DOCK1: variants seen among roughly 807,000 people sequenced by gnomAD.
DOCK1 encodes dedicator of cytokinesis protein 1.
A neutral mutation model predicts 262.7 loss-of-function variants in DOCK1; 138 were observed. That is an observed-to-expected ratio of 0.53 (90% CI 0.46 to 0.61). The LOEUF (loss-of-function observed/expected upper bound fraction) is 0.61, where lower values mean the gene tolerates loss of function less well. Among genes scored for constraint, DOCK1 ranks in the 20% least tolerant of loss-of-function variants. The pLI, the probability that DOCK1 is intolerant of heterozygous loss-of-function variation, is 0.00. For synonymous variants in DOCK1, 866 were observed against 867.4 expected (o/e 1.00, Z 0.03); for missense variants, 1,908 against 2,370.7 (o/e 0.80, Z 4.05).
intron 19 of DOCK1, among the ~76,000 whole-genome samples, chr10:127,038,410 T>G (rs905594291): frequency 6.6e-6 from 1 of 152,118 alleles, no homozygotes; most frequent in African/African-American, 2.4e-5. Context: ...TCACAACAGT[T>G]CAGTGACCTC....
At position 127,443,433 on chromosome 10, in the gene DOCK1, A is replaced by G. The variant is rs924691538; in HGVS notation, c.5260-693A>G. 2.0e-4 allele frequency among the ~76,000 whole-genome samples: 30 copies of G among 152,080 alleles called. 1 individual carries two copies. The highest frequency in any genetic ancestry group is 8.8e-5 in the Non-Finnish European group (6 of 68,024). ...AGGAGTTCTGTGTTGTGGTTTTTAT[A>G]TTGGACTGTTTTAAGCTCCCACCTC... On this transcript the variant is annotated intron_variant, in intron 49 of 51. Coordinates refer to ENST00000623213, the MANE Select transcript of DOCK1 (RefSeq NM_001290223.2).
intron 27 of DOCK1, among the ~76,000 whole-genome samples, chr10:127,221,508 T>TGCA (rs2058435111): frequency 6.6e-6 from 1 of 152,202 alleles, no homozygotes; most frequent in South Asian, 2.1e-4. Flanking sequence ...TCAGCTCCAG[T>TGCA]CTGCTCAGGG....
At chr10:127,205,580 C>T (rs572757040) in intron 27 of DOCK1, among the ~76,000 whole-genome samples, 3 of 152,332 alleles carry the variant, frequency 2.0e-5, no homozygotes, top group East Asian at 1.9e-4. Flanking sequence ...TGTGGCTTTA[C>T]GAAGAAATGT....
At chr10:127,449,737 C>T (rs879360470) in intron 51 of DOCK1, among the ~76,000 whole-genome samples, 2 of 152,084 alleles carry the variant, frequency 1.3e-5, no homozygotes, top group Admixed American at 1.3e-4. Context: ...ATCCATCTGC[C>T]ATGATGGGGG....
At chr10:127,240,085 G>A (rs112937888) in intron 27 of DOCK1, among the ~76,000 whole-genome samples, 23 of 152,068 alleles carry the variant, frequency 1.5e-4, no homozygotes, top group African/African-American at 4.1e-4. Context: ...AAATGAAATC[G>A]ATTTTGTTTT....
At position 127,333,591 on chromosome 10, in the gene DOCK1, C is replaced by T. The variant is rs570536999; in HGVS notation, c.3045-5415C>T. 1.4e-4 allele frequency among the ~76,000 whole-genome samples: 22 copies of T among 152,322 alleles called. 1 individual carries two copies. The highest frequency in any genetic ancestry group is 3.6e-4 in the African/African-American group (15 of 41,574). Reference sequence around the variant, plus strand: ...ATAGGCAGCTTTGGGGGATGATCTCCCTCTGGAGCCCACGCACTGCATCCA... The same window carrying T: ...ATAGGCAGCTTTGGGGGATGATCTCTCTCTGGAGCCCACGCACTGCATCCA... On this transcript the variant is annotated intron_variant, in intron 29 of 51. Coordinates refer to ENST00000623213, the MANE Select transcript of DOCK1 (RefSeq NM_001290223.2).
At chr10:126,988,823 A>G (rs2039591527) in intron 5 of DOCK1, among the ~76,000 whole-genome samples, 1 of 152,226 alleles carries the variant, frequency 6.6e-6, no homozygotes, top group Admixed American at 6.5e-5. Context: ...CTGTAATCCC[A>G]GCACTTAGGG....
At chr10:126,949,370 C>T (rs2035970672) in intron 1 of DOCK1, among the ~76,000 whole-genome samples, 2 of 152,118 alleles carry the variant, frequency 1.3e-5, no homozygotes. Context: ...GCAACCCAGG[C>T]AGGATTTCGG....
At chr10:127,284,299 T>C (rs2061069979) in intron 29 of DOCK1, among the ~76,000 whole-genome samples, 1 of 152,182 alleles carries the variant, frequency 6.6e-6, no homozygotes, top group Non-Finnish European at 1.5e-5. Context: ...TTTATTATTT[T>C]ACATACAAAT....
intron 23 of DOCK1, among the ~76,000 whole-genome samples, chr10:127,092,344 C>T (rs372456573): frequency 2.0e-5 from 3 of 152,292 alleles, no homozygotes; most frequent in East Asian, 1.9e-4. Context: ...GCATCGCTCC[C>T]GCCACAGGGC....
chr10:126,957,488 GT>G (rs1265776732), intron 1 of DOCK1, among the ~76,000 whole-genome samples: 6 of 152,036 alleles, frequency 3.9e-5, no homozygotes, highest in Non-Finnish European at 5.9e-5. Flanking sequence ...ATTTATCTTC[GT>G]TTTTATTTTT....
intron 28 of DOCK1, among the ~76,000 whole-genome samples, chr10:127,251,520 A>G (rs1397575764): frequency 7.6e-6 from 1 of 132,046 alleles, no homozygotes; most frequent in Non-Finnish European, 1.6e-5. Flanking sequence ...TCCTAATGCT[A>G]TCCCTCCCCC....
intron 27 of DOCK1, among the ~76,000 whole-genome samples, chr10:127,153,540 A>G (rs964602101): frequency 2.0e-5 from 3 of 152,196 alleles, no homozygotes; most frequent in African/African-American, 4.8e-5. Flanking sequence ...TATGTTTTAC[A>G]GCCTTTCCAG....
chr10:127,309,637 C>A (rs2061992620), intron 29 of DOCK1, among the ~76,000 whole-genome samples: 1 of 152,088 alleles, frequency 6.6e-6, no homozygotes, highest in Admixed American at 6.5e-5. Flanking sequence ...GGAAGGGATC[C>A]AGTTTCCGTT....
At chr10:127,013,383 G>C (rs1374274073) in intron 12 of DOCK1, 4 of 152,224 alleles carry the variant, frequency 2.6e-5, no homozygotes, top group Non-Finnish European at 5.9e-5. Flanking sequence ...TCCAATTAGG[G>C]CTGTTTAGAT....
At chr10:127,209,011 G>A (rs1252136961) in intron 27 of DOCK1, among the ~76,000 whole-genome samples, 1 of 152,148 alleles carries the variant, frequency 6.6e-6, no homozygotes, top group African/African-American at 2.4e-5. Context: ...ACCTAGCGAT[G>A]AAAAGCTTAA....
intron 27 of DOCK1, among the ~76,000 whole-genome samples, chr10:127,206,292 C>T (rs1460661003): frequency 6.6e-6 from 1 of 151,702 alleles, no homozygotes; most frequent in African/African-American, 2.4e-5. Flanking sequence ...TACAGGCACC[C>T]GCCACCATGC....
intron 23 of DOCK1, among the ~76,000 whole-genome samples, 153 bp downstream of exon 23, chr10:127,061,929 CTTTTTTTTTTTTTT>C (rs562310710): frequency 5.6e-5 from 4 of 71,786 alleles, no homozygotes; most frequent in Non-Finnish European, 7.1e-5. Flanking sequence ...AAGAGCTGTG[CTTTTTTTTTTTTTT>C]TTTTTTTTTT....
At chr10:126,953,371 T>G (rs1360227765) in intron 1 of DOCK1, among the ~76,000 whole-genome samples, 1 of 150,606 alleles carries the variant, frequency 6.6e-6, no homozygotes, top group Admixed American at 6.6e-5. Flanking sequence ...TTGTTGGTAG[T>G]ATTTTTCATA....
Sources: gnomAD v4.1 joint callset for allele counts (sites outside exome capture counted in the v4.1 genomes callset) on GRCh38, gnomAD v4.1.1 for gene constraint, MANE v1.5 for transcripts, NCBI Gene and HGNC (gene_info 2026-07-23, HGNC 2026-07-21) for gene names.